OTUD4: variants seen among roughly 807,000 people sequenced by gnomAD.
The protein encoded by OTUD4 is OTU deubiquitinase 4, also known as OTU domain-containing protein 4.
Under a neutral mutation model 130.4 loss-of-function variants are expected in OTUD4, and 24 were observed. The ratio of observed to expected loss-of-function variants is 0.18; its 90% CI spans 0.13 to 0.26. OTUD4 has a LOEUF of 0.26. Among genes scored for constraint, OTUD4 ranks in the 10% least tolerant of loss-of-function variants. The pLI, the probability that OTUD4 is intolerant of heterozygous loss-of-function variation, is 1.00. For missense variants in OTUD4, 1,031 were observed against 1,329.4 expected (o/e 0.78, Z 3.49); for synonymous variants, 420 against 472.5 (o/e 0.89, Z 1.44).
At chr4:145,142,949 C>T (rs1203183464) in intron 17 of OTUD4, among the ~76,000 whole-genome samples, 1 of 152,168 alleles carries the variant, frequency 6.6e-6, no homozygotes, top group African/African-American at 2.4e-5. Flanking sequence ...CAAACCTTTT[C>T]AATCAGTACA....
intron 13 of OTUD4, chr4:145,149,442 A>G (rs1290899695): frequency 3.3e-5 from 5 of 152,234 alleles, no homozygotes; most frequent in Admixed American, 3.3e-4. Flanking sequence ...AACAGCCCCA[A>G]GAAACTAAAA....
chr4:145,150,486 T>C (rs746309103), intron 13 of OTUD4, 27 bp downstream of exon 13: 2 of 1,516,134 alleles, frequency 1.3e-6, no homozygotes, highest in Non-Finnish European at 1.8e-6. Flanking sequence ...TTGATTTCTA[T>C]ACTTCTCTTA....
chr4:145,139,777 G>A (rs1291346005), intron 20 of OTUD4, among the ~76,000 whole-genome samples, 174 bp downstream of exon 20: 2 of 152,068 alleles, frequency 1.3e-5, no homozygotes, highest in Non-Finnish European at 2.9e-5. Flanking sequence ...AGTAAAACTG[G>A]AGCCTCTACT....
chr4:145,177,942 C>CCA (rs762502151), intron 1 of OTUD4, among the ~76,000 whole-genome samples: 38 of 151,874 alleles, frequency 2.5e-4, no homozygotes, highest in African/African-American at 7.2e-4. Flanking sequence ...TTCCTTTTTC[C>CCA]CACACACACA....
intron 2 of OTUD4, among the ~76,000 whole-genome samples, 182 bp downstream of exon 2, chr4:145,174,479 A>G (rs1293305989): frequency 6.6e-6 from 1 of 152,228 alleles, no homozygotes; most frequent in East Asian, 1.9e-4. Flanking sequence ...AACATAAAAT[A>G]GCCTAGAAAA....
chr4:145,150,426 A>T (rs1751014025), intron 13 of OTUD4, 87 bp downstream of exon 13: 2 of 900,244 alleles, frequency 2.2e-6, no homozygotes, highest in East Asian at 2.5e-5. Context: ...GTAAAAAGTT[A>T]TAATTATTCA....
rs1750128671 is a variant in OTUD4, at chr4:145,134,143, ATTAGTGGGAGAG to A, written c.*3275_*3286del. On this transcript the variant is annotated 3_prime_UTR_variant, in exon 21 of 21. Coordinates refer to ENST00000447906, the MANE Select transcript of OTUD4 (RefSeq NM_001366057.1). ...AGACCTCTTTTAAAAAATAATCCCA[ATTAGTGGGAGAG>A]TAAATGGCTGACATTAGTAGCAAAA... 1 of 152,634 alleles carries A rather than the reference ATTAGTGGGAGAG, an allele frequency of 6.6e-6. No homozygotes were observed. The highest frequency in any genetic ancestry group is 2.4e-5 in the African/African-American group (1 of 41,448). 9.5% of individuals were successfully genotyped at this position (152,634 alleles called of 1,614,324 possible). A position where few individuals can be genotyped will look rare whatever the true frequency, so the allele number is the denominator to read the frequency against.
intron 1 of OTUD4, among the ~76,000 whole-genome samples, chr4:145,179,194 T>C (rs1752571762): frequency 6.6e-6 from 1 of 152,174 alleles, no homozygotes; most frequent in African/African-American, 2.4e-5. Context: ...GTCAGTTCTG[T>C]TTAGTATACC....
At chr4:145,164,109 G>A (rs1480014077) in intron 5 of OTUD4, 45 bp downstream of exon 5, 18 of 815,052 alleles carry the variant, frequency 2.2e-5, no homozygotes, top group African/African-American at 5.2e-5. Flanking sequence ...GCAACTAAGC[G>A]GTTCTTTTAC....
chr4:145,173,406 T>C lies in OTUD4; in HGVS notation c.243+1255A>G, dbSNP rs543784199. 1.1e-4 allele frequency among the ~76,000 whole-genome samples: 17 copies of C among 151,518 alleles called. No homozygotes were observed. The South Asian group carries it at 3.3e-3, about 30-fold the overall frequency. On this transcript the variant is annotated intron_variant, in intron 2 of 20. Coordinates refer to ENST00000447906, the MANE Select transcript of OTUD4 (RefSeq NM_001366057.1). ...GAGACTCTGTCTCAAAAAAAAAAAA[T>C]TATATGGACTAAAAAAAATATATGC... is the stretch of plus-strand genomic sequence containing the variant.
chr4:145,151,210 G>A (rs1029141248), intron 11 of OTUD4, among the ~76,000 whole-genome samples: 1 of 152,084 alleles, frequency 6.6e-6, no homozygotes, highest in Admixed American at 6.5e-5. Context: ...GTTAAGGTGG[G>A]GAAGGAAGTC....
At chr4:145,169,358 T>A (rs2126800021) in intron 3 of OTUD4, among the ~76,000 whole-genome samples, 1 of 152,342 alleles carries the variant, frequency 6.6e-6, no homozygotes, top group Admixed American at 6.5e-5. Flanking sequence ...GCTCCACTAT[T>A]ACTCATTAAG....
At chr4:145,141,707 A>G in intron 18 of OTUD4, 68 bp from the exon 19 acceptor site, 1 of 1,375,444 alleles carries the variant, frequency 7.3e-7, no homozygotes, top group Non-Finnish European at 9.8e-7. Context: ...GCTTACATTA[A>G]CCTATAAAGA....
At chr4:145,169,090 A>G (rs1337361245) in intron 3 of OTUD4, among the ~76,000 whole-genome samples, 4 of 152,258 alleles carry the variant, frequency 2.6e-5, no homozygotes, top group Non-Finnish European at 5.9e-5. Flanking sequence ...AGAAACAGCA[A>G]AACTTAGAAA....
At chr4:145,178,352 TA>T (rs1318824949) in intron 1 of OTUD4, among the ~76,000 whole-genome samples, 1 of 152,238 alleles carries the variant, frequency 6.6e-6, no homozygotes, top group Non-Finnish European at 1.5e-5. Flanking sequence ...CATTTATTTC[TA>T]CCTCCTTGCT....
At chr4:145,174,827 T>A in intron 1 of OTUD4, 83 bp from the exon 2 acceptor site, 1 of 737,234 alleles carries the variant, frequency 1.4e-6, no homozygotes, top group South Asian at 1.5e-5. Context: ...CCCAAAATAA[T>A]CTGACAACCA....
At chr4:145,151,908 T>C (rs1751085765) in intron 11 of OTUD4, among the ~76,000 whole-genome samples, 1 of 152,216 alleles carries the variant, frequency 6.6e-6, no homozygotes, top group Non-Finnish European at 1.5e-5. Context: ...ACTGACTGAA[T>C]ACTAACTACA....
intron 17 of OTUD4, 45 bp from the exon 18 acceptor site, chr4:145,142,379 G>A (rs1750608172): frequency 6.3e-7 from 1 of 1,588,706 alleles, no homozygotes; most frequent in African/African-American, 1.4e-5. Context: ...AAGACAAGAG[G>A]TCATTTTGCT....
chr4:145,135,802 C>T lies in OTUD4; in HGVS notation c.*1628G>A, dbSNP rs1397756200. The stretch of plus-strand genomic sequence containing the variant: ...CTACTCAAATCAGCAGTTACACAGA[C>T]GTTAGGTAATTAAAACAGCACAGAG... On this transcript the variant is annotated 3_prime_UTR_variant, in exon 21 of 21. Coordinates refer to ENST00000447906, the MANE Select transcript of OTUD4 (RefSeq NM_001366057.1). 2 of 152,572 alleles carry T rather than the reference C, an allele frequency of 1.3e-5. No homozygotes were observed. Among genetic ancestry groups the T allele is most frequent in the African/African-American group, 4.8e-5 (2 of 41,440 alleles). 9.5% of individuals were successfully genotyped at this position (152,572 alleles called of 1,614,324 possible). A position where few individuals can be genotyped will look rare whatever the true frequency, so the allele number is the denominator to read the frequency against.
Sources: gnomAD v4.1 joint callset for allele counts (sites outside exome capture counted in the v4.1 genomes callset) on GRCh38, gnomAD v4.1.1 for gene constraint, MANE v1.5 for transcripts, NCBI Gene and HGNC (gene_info 2026-07-23, HGNC 2026-07-21) for gene names.